The following ATG10 variants were observed in gnomAD, a reference collection of about 807,000 sequenced individuals.
ATG10 encodes the protein autophagy related 10.
A neutral mutation model predicts 32.1 loss-of-function variants in ATG10; 30 were observed. The ratio of observed to expected loss-of-function variants is 0.94; its 90% CI spans 0.70 to 1.27. ATG10 has a LOEUF of 1.27. ATG10 is among the 50% of genes most tolerant of loss of function. The pLI, the probability that ATG10 is intolerant of heterozygous loss-of-function variation, is 0.00. For missense variants in ATG10, 233 were observed against 262.3 expected, an observed-to-expected ratio of 0.89 and a Z score of 0.77; for synonymous variants, 87 against 91.5, an observed-to-expected ratio of 0.95 and a Z score of 0.28.
intron 1 of ATG10, among the ~76,000 whole-genome samples, chr5:81,982,665 C>G (rs1243624686): frequency 6.6e-6 from 1 of 151,866 alleles, no homozygotes; most frequent in Non-Finnish European, 1.5e-5. Flanking sequence ...AGCAGATAAA[C>G]AAGTGAACAA....
chr5:82,152,916 A>C (rs1478279974), intron 3 of ATG10, among the ~76,000 whole-genome samples: 2 of 152,130 alleles, frequency 1.3e-5, no homozygotes, highest in African/African-American at 2.4e-5. Flanking sequence ...TACTCATTCC[A>C]CTTATTTATT....
chr5:82,106,415 A>G (rs951156456), intron 3 of ATG10, among the ~76,000 whole-genome samples: 1 of 152,078 alleles, frequency 6.6e-6, no homozygotes, highest in African/African-American at 2.4e-5. Flanking sequence ...ATAGAGCCCT[A>G]CAGTGTTATG....
chr5:82,187,919 T>C (rs1427130260), intron 5 of ATG10, among the ~76,000 whole-genome samples: 2 of 152,180 alleles, frequency 1.3e-5, no homozygotes, highest in South Asian at 4.1e-4. Flanking sequence ...CTTTTTTGGC[T>C]TTACACCTTG....
intron 3 of ATG10, among the ~76,000 whole-genome samples, chr5:82,061,761 CAT>C (rs933334894): frequency 9.0e-6 from 1 of 111,290 alleles, no homozygotes; most frequent in African/African-American, 3.1e-5. Context: ...TGTGTATATA[CAT>C]ATATATACAT....
chr5:82,229,742 A>G (rs908296410), intron 5 of ATG10, among the ~76,000 whole-genome samples: 1 of 152,152 alleles, frequency 6.6e-6, no homozygotes, highest in African/African-American at 2.4e-5. Flanking sequence ...CCATGTCTGC[A>G]GGTGTCCATA....
At chr5:82,183,708 C>A (rs1336039475) in intron 5 of ATG10, among the ~76,000 whole-genome samples, 1 of 152,152 alleles carries the variant, frequency 6.6e-6, no homozygotes, top group African/African-American at 2.4e-5. Context: ...AAGTTTCTCT[C>A]TCCATCTTAC....
At chr5:82,181,073 A>G (rs1423726500) in intron 5 of ATG10, among the ~76,000 whole-genome samples, 2 of 152,160 alleles carry the variant, frequency 1.3e-5, no homozygotes, top group African/African-American at 4.8e-5. Context: ...TTAGTGTACC[A>G]TCTTTTTCCT....
intron 5 of ATG10, among the ~76,000 whole-genome samples, chr5:82,193,031 G>C (rs1744719121): frequency 6.6e-6 from 1 of 152,134 alleles, no homozygotes; most frequent in African/African-American, 2.4e-5. Context: ...TATGAGGTGG[G>C]GTTGGCAGAT....
At chr5:82,069,469 G>T (rs1235976985) in intron 3 of ATG10, among the ~76,000 whole-genome samples, 1 of 152,102 alleles carries the variant, frequency 6.6e-6, no homozygotes, top group Non-Finnish European at 1.5e-5. Context: ...AATTATTTTG[G>T]GAAAAGGGAA....
At chr5:82,081,117 T>C (rs1476380870) in intron 3 of ATG10, among the ~76,000 whole-genome samples, 2 of 152,196 alleles carry the variant, frequency 1.3e-5, no homozygotes, top group Admixed American at 1.3e-4. Flanking sequence ...TTATTCTCTT[T>C]GAAGCAATTG....
chr5:82,061,818 C>CT (rs11459926), intron 3 of ATG10, among the ~76,000 whole-genome samples: 73,059 of 81,104 alleles, frequency 0.9, 33,715 homozygotes, highest in African/African-American at 0.94. Flanking sequence ...ACACACATAC[C>CT]TTTTTTTTTT....
At chr5:82,011,088 G>A (rs1762115489) in intron 2 of ATG10, among the ~76,000 whole-genome samples, 1 of 152,114 alleles carries the variant, frequency 6.6e-6, no homozygotes, top group Admixed American at 6.5e-5. Context: ...TTTATACAAA[G>A]TTTAATTATG....
chr5:82,007,449 G>T lies in ATG10; in HGVS notation c.108+19771G>T, dbSNP rs567718595. ...TAATCAAATTAGAGAGTAAGTAATA[G>T]AATTCATATTTTATTTTATTTGAGA... On this transcript the variant is annotated intron_variant, in intron 2 of 7. Coordinates refer to ENST00000282185, the MANE Select transcript of ATG10 (RefSeq NM_031482.5). Among the ~76,000 whole-genome samples the T allele has an allele frequency of 2.2e-3, 339 of 152,198 alleles. 1 individual carries two copies. Among genetic ancestry groups the T allele is most frequent in the African/African-American group, 7.9e-3 (327 of 41,536 alleles).
At chr5:81,983,644 A>G (rs1166201175) in intron 1 of ATG10, among the ~76,000 whole-genome samples, 6 of 126,430 alleles carry the variant, frequency 4.7e-5, no homozygotes, top group African/African-American at 1.9e-4. Context: ...GGGGGGGCTG[A>G]CCCTCCCACC....
intron 3 of ATG10, among the ~76,000 whole-genome samples, chr5:82,115,349 G>A (rs1293013514): frequency 6.6e-6 from 1 of 151,972 alleles, no homozygotes; most frequent in East Asian, 1.9e-4. Flanking sequence ...TGATACCTAG[G>A]GTTTGCTTTA....
At chr5:82,035,243 C>A (rs1174584299) in intron 2 of ATG10, among the ~76,000 whole-genome samples, 1 of 152,160 alleles carries the variant, frequency 6.6e-6, no homozygotes, top group Non-Finnish European at 1.5e-5. Context: ...CTTAAAACCA[C>A]TTGTTCTACA....
intron 3 of ATG10, among the ~76,000 whole-genome samples, chr5:82,061,771 C>T (rs1047696865): frequency 4.1e-4 from 37 of 89,200 alleles, no homozygotes; most frequent in Admixed American, 2.1e-3. Context: ...CATATATATA[C>T]ATGTACACAT....
At chr5:82,105,306 T>G (rs1256439253) in intron 3 of ATG10, among the ~76,000 whole-genome samples, 1 of 152,078 alleles carries the variant, frequency 6.6e-6, no homozygotes, top group Non-Finnish European at 1.5e-5. Flanking sequence ...TTCTGAATAT[T>G]TTTTTCCACA....
chr5:82,133,790 A>G (rs372494414), intron 3 of ATG10, among the ~76,000 whole-genome samples: 18 of 151,974 alleles, frequency 1.2e-4, no homozygotes, highest in African/African-American at 3.1e-4. Context: ...TGGGAATAGC[A>G]TTGAATCTAT....
Sources: gnomAD v4.1 joint callset for allele counts (sites outside exome capture counted in the v4.1 genomes callset) on GRCh38, gnomAD v4.1.1 for gene constraint, MANE v1.5 for transcripts, NCBI Gene and HGNC (gene_info 2026-07-23, HGNC 2026-07-21) for gene names.